TIMM8A: variants seen among roughly 807,000 people sequenced by gnomAD.
TIMM8A encodes the protein mitochondrial import inner membrane translocase subunit Tim8 A.
Under a neutral mutation model 6.8 loss-of-function variants are expected in TIMM8A, and 2 were observed. The observed-to-expected ratio is 0.30, with a 90% CI of 0.12 to 0.93. TIMM8A has a LOEUF of 0.93. Ranked by LOEUF, TIMM8A falls within the 40% of genes least tolerant of loss-of-function variation. The probability of loss-of-function intolerance (pLI) is 0.55; values close to 1 mark genes in which losing one functional copy is unlikely to be tolerated. For synonymous variants in TIMM8A, 26 were observed against 28.5 expected (o/e 0.91, Z 0.28); for missense variants, 34 against 75.2 (o/e 0.45, Z 2.02).
chrX:101,348,464 C>A (rs1262552150), intron 1 of TIMM8A, 69 bp downstream of exon 1: 2 of 992,245 alleles, frequency 2.0e-6, no homozygotes, highest in African/African-American at 2.0e-5. Context: ...GACGTTGTCG[C>A]GAGTCCCGCG....
chrX:101,348,149 T>G, intron 1 of TIMM8A: 1 of 1,078,579 alleles, frequency 9.3e-7, no homozygotes, highest in Non-Finnish European at 1.2e-6. Flanking sequence ...AGTCCAGGAA[T>G]AGCAGATTCA....
intron 1 of TIMM8A, 54 bp from the exon 2 acceptor site, chrX:101,346,714 T>G: frequency 8.6e-7 from 1 of 1,166,988 alleles, no homozygotes; most frequent in Non-Finnish European, 1.2e-6. Flanking sequence ...AAAAAGACGG[T>G]TGGGGGCAGG....
intron 1 of TIMM8A, 101 bp downstream of exon 1, chrX:101,348,432 C>T (rs1555976351): frequency 2.4e-6 from 1 of 420,153 alleles, no homozygotes; most frequent in Non-Finnish European, 4.4e-6. Context: ...TGCCAGGTGC[C>T]CGCCCCCCAC....
Position 101,346,449 on chromosome X carries a change from G to A in TIMM8A, c.*50C>T, listed in dbSNP as rs181919155. On this transcript the variant is annotated 3_prime_UTR_variant, in exon 2 of 2. Coordinates refer to ENST00000372902, the MANE Select transcript of TIMM8A (RefSeq NM_004085.4). ...TGTTTCTTCAATCATCCCATCAACA[G>A]CTCTTCATTTCTTGAACTACCTTCC... The A allele has an allele frequency of 2.5e-6, 3 of 1,208,706 alleles. No homozygotes were observed. The highest frequency in any genetic ancestry group is 3.4e-6 in the Non-Finnish European group (3 of 895,146).
At chrX:101,346,730 C>T in intron 1 of TIMM8A, 70 bp from the exon 2 acceptor site, 1 of 1,076,580 alleles carries the variant, frequency 9.3e-7, no homozygotes, top group Non-Finnish European at 1.3e-6. Flanking sequence ...GCAGGGGTCC[C>T]TTTTTGTTGC....
rs961899870 is a variant in TIMM8A, at chrX:101,348,679, G to A, written c.-15C>T. On this transcript the variant is annotated 5_prime_UTR_variant, in exon 1 of 2. Coordinates refer to ENST00000372902, the MANE Select transcript of TIMM8A (RefSeq NM_004085.4). ...GAGGAATCCATCCCAGGGCGACCAA[G>A]CTTGCAGAGACGAACTCCGCACCGA... 1 of 1,210,356 alleles carries A rather than the reference G, an allele frequency of 8.3e-7. No individual in the cohort carries two copies.
rs1555976058 is a variant in TIMM8A, at chrX:101,346,137, C to T, written c.*362G>A. On this transcript the variant is annotated 3_prime_UTR_variant, in exon 2 of 2. Coordinates refer to ENST00000372902, the MANE Select transcript of TIMM8A (RefSeq NM_004085.4). ...TAAACACAAGGATCTCCCCTGAAAT[C>T]AGAAATGACTCCACACAAATGAGAG... 3 of 861,750 alleles carry T rather than the reference C, an allele frequency of 3.5e-6. No individual in the cohort carries two copies. The highest frequency in any genetic ancestry group is 6.2e-5 in the Admixed American group (1 of 16,149). 71.0% of individuals were successfully genotyped at this position (861,750 alleles called of 1,213,427 possible).
chrX:101,348,282 G>A, intron 1 of TIMM8A: 1 of 1,161,793 alleles, frequency 8.6e-7, no homozygotes, highest in Non-Finnish European at 1.2e-6. Flanking sequence ...AGTGCTGGGT[G>A]TCCAGTGGCA....
At position 101,348,007 on chromosome X, in the gene TIMM8A, C is replaced by T; in HGVS notation, c.132+526G>A. 5 of 839,260 alleles carry T rather than the reference C, an allele frequency of 6.0e-6. No homozygotes were observed. In the South Asian group the frequency reaches 1.4e-4, roughly 24 times the overall value. 69.2% of individuals were successfully genotyped at this position (839,260 alleles called of 1,213,427 possible). Reference sequence around the variant, plus strand: ...AGACCCAAAACGGCTTGGTATTACACAACAATCCAACAAGAAAGCAAATAA... The same window carrying T: ...AGACCCAAAACGGCTTGGTATTACATAACAATCCAACAAGAAAGCAAATAA... On this transcript the variant is annotated intron_variant, in intron 1 of 1. Coordinates refer to ENST00000372902, the MANE Select transcript of TIMM8A (RefSeq NM_004085.4).
At chrX:101,347,275 C>CT (rs782786272) in intron 1 of TIMM8A, 2,886 of 102,246 alleles carry the variant, frequency 0.028, 53 homozygotes, top group Non-Finnish European at 0.043. Context: ...CTTTTCTTTT[C>CT]TTTTTTTTTT....
chrX:101,346,996 A>G (rs1395742848), intron 1 of TIMM8A: 4 of 200,575 alleles, frequency 2.0e-5, no homozygotes, highest in African/African-American at 1.2e-4. Context: ...GGCAAAATAT[A>G]AGTGAAGTAA....
At chrX:101,347,838 A>T in intron 1 of TIMM8A, 1 of 150,058 alleles carries the variant, frequency 6.7e-6, no homozygotes, top group Non-Finnish European at 1.2e-5. Context: ...AAGGAAAATT[A>T]TCCTTGGCCT....
chrX:101,346,836 C>T, intron 1 of TIMM8A, 176 bp from the exon 2 acceptor site: 1 of 440,836 alleles, frequency 2.3e-6, no homozygotes, highest in South Asian at 3.8e-5. Context: ...TGTTCTCTAG[C>T]CTTACATTAA....
At chrX:101,346,819 A>G in intron 1 of TIMM8A, 159 bp from the exon 2 acceptor site, 2 of 476,905 alleles carry the variant, frequency 4.2e-6, no homozygotes, top group Non-Finnish European at 7.1e-6. Flanking sequence ...GACCAAGTAT[A>G]TAGCAATGTT....
intron 1 of TIMM8A, 114 bp from the exon 2 acceptor site, chrX:101,346,774 T>C: frequency 4.1e-6 from 3 of 736,543 alleles, no homozygotes; most frequent in Non-Finnish European, 6.1e-6. Flanking sequence ...AAAAATAATA[T>C]CTGATATGTT....
intron 1 of TIMM8A, chrX:101,348,225 C>T (rs1301220311): frequency 1.8e-6 from 2 of 1,112,687 alleles, no homozygotes; most frequent in African/African-American, 3.7e-5. Flanking sequence ...GGGCTCCGAT[C>T]AGTCTTGGTG....
chrX:101,348,675 C>T lies in TIMM8A; in HGVS notation c.-11G>A. 1 of 1,211,021 alleles carries T rather than the reference C, an allele frequency of 8.3e-7. No homozygotes were observed. Among genetic ancestry groups the T allele is most frequent in the Non-Finnish European group, 1.1e-6 (1 of 895,388 alleles). On this transcript the variant is annotated 5_prime_UTR_variant, in exon 1 of 2. Coordinates refer to ENST00000372902, the MANE Select transcript of TIMM8A (RefSeq NM_004085.4). Reference sequence around the variant, plus strand: ...GGAGGAGGAATCCATCCCAGGGCGACCAAGCTTGCAGAGACGAACTCCGCA... The same window carrying T: ...GGAGGAGGAATCCATCCCAGGGCGATCAAGCTTGCAGAGACGAACTCCGCA...
intron 1 of TIMM8A, chrX:101,348,321 C>A: frequency 8.6e-7 from 1 of 1,167,507 alleles, no homozygotes; most frequent in Non-Finnish European, 1.1e-6. Flanking sequence ...CAGTCCTCTA[C>A]ACCAACAAAG....
intron 1 of TIMM8A, chrX:101,347,755 T>G (rs940459263): frequency 2.6e-5 from 3 of 113,731 alleles, no homozygotes; most frequent in African/African-American, 9.8e-5. Context: ...CTGTATATAG[T>G]TCAAGTTAAG....
Sources: gnomAD v4.1 joint callset for allele counts on GRCh38, gnomAD v4.1.1 for gene constraint, MANE v1.5 for transcripts, NCBI Gene and HGNC (gene_info 2026-07-23, HGNC 2026-07-21) for gene names.